HAPSTR1: variants seen among roughly 807,000 people sequenced by gnomAD.
HAPSTR1 encodes the protein HUWE1-associated protein modifying stress responses 1.
the HAPSTR1 span, among the ~76,000 whole-genome samples, chr16:9,099,719 G>C: frequency 1.3e-5 from 2 of 152,168 alleles, no homozygotes; most frequent in East Asian, 3.8e-4. Flanking sequence ...GGTGTGCTCA[G>C]AGCAGTGTTT....
chr16:9,092,776 G>T, the HAPSTR1 span: 1 of 876,772 alleles, frequency 1.1e-6, no homozygotes, highest in Non-Finnish European at 1.7e-6. Context: ...TTGGGATCCC[G>T]AAACCCCTGA....
chr16:9,099,074 G>A, the HAPSTR1 span, among the ~76,000 whole-genome samples: 8 of 151,966 alleles, frequency 5.3e-5, no homozygotes, highest in South Asian at 6.2e-4. Flanking sequence ...GCCCGTTGTG[G>A]TGGGAGAATT....
chr16:9,105,847 A>G, the HAPSTR1 span: 1 of 152,186 alleles, frequency 6.6e-6, no homozygotes, highest in Non-Finnish European at 1.5e-5. Flanking sequence ...TTTATAATGA[A>G]AGCAAACTCA....
chr16:9,112,940 T>C, the HAPSTR1 span: 163 of 152,240 alleles, frequency 1.1e-3, no homozygotes, highest in African/African-American at 3.8e-3. Context: ...GATACTCTCA[T>C]AGCCCTTTTG....
the HAPSTR1 span, among the ~76,000 whole-genome samples, chr16:9,092,537 C>T: frequency 6.6e-6 from 1 of 152,172 alleles, no homozygotes; most frequent in Admixed American, 6.5e-5. Flanking sequence ...GGCCCGGCCA[C>T]CCGGTGTCCC....
chr16:9,095,170 T>C, the HAPSTR1 span, among the ~76,000 whole-genome samples: 1 of 152,238 alleles, frequency 6.6e-6, no homozygotes, highest in Non-Finnish European at 1.5e-5. Flanking sequence ...CCTTGCCTAA[T>C]AGAAATGGTA....
At chr16:9,091,798 C>T in the HAPSTR1 span, 1 of 393,362 alleles carries the variant, frequency 2.5e-6, no homozygotes, top group Non-Finnish European at 4.5e-6. Context: ...GTTATCTGGT[C>T]CGCGGCGACC....
At chr16:9,095,289 T>C in the HAPSTR1 span, among the ~76,000 whole-genome samples, 129 of 152,280 alleles carry the variant, frequency 8.5e-4, 1 homozygote, top group Middle Eastern at 6.8e-3. Flanking sequence ...GGGTGTGGTC[T>C]TTAGAGAACA....
At chr16:9,097,164 T>C in the HAPSTR1 span, among the ~76,000 whole-genome samples, 1 of 152,032 alleles carries the variant, frequency 6.6e-6, no homozygotes, top group African/African-American at 2.4e-5. Context: ...GGTCTTGAAC[T>C]CCTGACCTCA....
chr16:9,092,426 A>G, the HAPSTR1 span, among the ~76,000 whole-genome samples: 3 of 151,348 alleles, frequency 2.0e-5, no homozygotes, highest in Non-Finnish European at 1.5e-5. Flanking sequence ...CCCTCCCCGC[A>G]AGATGGCGCC....
chr16:9,111,059 G>A, the HAPSTR1 span: 1 of 152,034 alleles, frequency 6.6e-6, no homozygotes, highest in South Asian at 2.1e-4. Flanking sequence ...ACAAAAACCT[G>A]TTGGTATAGT....
chr16:9,113,271 C>G, the HAPSTR1 span: 7 of 152,122 alleles, frequency 4.6e-5, no homozygotes, highest in Admixed American at 4.6e-4. Flanking sequence ...AAAATATTTT[C>G]ACTGCTATGA....
the HAPSTR1 span, chr16:9,118,444 TTGAC>T: frequency 6.6e-6 from 1 of 152,668 alleles, no homozygotes; most frequent in African/African-American, 2.4e-5. Flanking sequence ...TGTTCATTCA[TTGAC>T]TGGGTGGGAT....
chr16:9,112,280 T>C, the HAPSTR1 span: 3 of 152,252 alleles, frequency 2.0e-5, no homozygotes, highest in Admixed American at 1.3e-4. Flanking sequence ...TGCATCTGAA[T>C]AGTGCAATTC....
chr16:9,101,843 C>T, the HAPSTR1 span, among the ~76,000 whole-genome samples: 1 of 152,050 alleles, frequency 6.6e-6, no homozygotes, highest in African/African-American at 2.4e-5. Flanking sequence ...TTAAAGCCGC[C>T]GGTTGCAGTG....
chr16:9,113,349 G>C, the HAPSTR1 span, among the ~76,000 whole-genome samples: 1 of 152,150 alleles, frequency 6.6e-6, no homozygotes, highest in African/African-American at 2.4e-5. Context: ...ACACCCAGTA[G>C]AAAAAGATGA....
chr16:9,103,722 G>T, the HAPSTR1 span: 1 of 159,856 alleles, frequency 6.3e-6, no homozygotes, highest in East Asian at 1.9e-4. Context: ...GTAGATGGTG[G>T]GAGAGGATGG....
chr16:9,108,625 A>G, the HAPSTR1 span: 50 of 152,348 alleles, frequency 3.3e-4, no homozygotes, highest in African/African-American at 1.2e-3. Context: ...AAAATTAATC[A>G]GAAACGATGT....
chr16:9,102,279 A>T, the HAPSTR1 span, among the ~76,000 whole-genome samples: 1 of 140,256 alleles, frequency 7.1e-6, no homozygotes, highest in Non-Finnish European at 1.5e-5. Flanking sequence ...AAAACTAAAT[A>T]ATAGTCACTT....
Sources: allele counts gnomAD v4.1 joint callset (sites outside exome capture counted in the v4.1 genomes callset), GRCh38; gene constraint gnomAD v4.1.1; transcripts MANE v1.5; gene names NCBI Gene and HGNC (gene_info 2026-07-23, HGNC 2026-07-21).